RARB: variants seen among roughly 807,000 people sequenced by gnomAD.
The protein encoded by RARB is HBV-activated protein.
In RARB, 17 loss-of-function variants were observed where a neutral mutation model predicts 51.9. That is an observed-to-expected ratio of 0.33 (90% CI 0.22 to 0.49). The LOEUF (loss-of-function observed/expected upper bound fraction) is 0.49. RARB is among the 20% of genes least tolerant of loss of function. The pLI, the probability that RARB is intolerant of heterozygous loss-of-function variation, is 0.99. For synonymous variants in RARB, 215 were observed against 195.4 expected, an observed-to-expected ratio of 1.10 and a Z score of -0.84; for missense variants, 369 against 550.8, an observed-to-expected ratio of 0.67 and a Z score of 3.30.
chr3:25,219,002 C>T (rs1701890403), intron 5 of RARB, among the ~76,000 whole-genome samples: 2 of 152,278 alleles, frequency 1.3e-5, no homozygotes, highest in Non-Finnish European at 1.5e-5. Flanking sequence ...GATACAGGCA[C>T]TTGAAGCTTA....
chr3:24,969,188 T>A (rs1222319025), intron 2 of RARB, among the ~76,000 whole-genome samples: 1 of 152,058 alleles, frequency 6.6e-6, no homozygotes, highest in Non-Finnish European at 1.5e-5. Flanking sequence ...TTGCCAGAAG[T>A]TTATGCATGT....
chr3:25,003,081 A>G (rs995745196), intron 2 of RARB, among the ~76,000 whole-genome samples: 3 of 152,018 alleles, frequency 2.0e-5, no homozygotes, highest in African/African-American at 7.2e-5. Flanking sequence ...GGTATTATAT[A>G]TAATGAATGG....
At chr3:24,968,367 A>G (rs536720191) in intron 2 of RARB, among the ~76,000 whole-genome samples, 3 of 152,146 alleles carry the variant, frequency 2.0e-5, no homozygotes, top group Non-Finnish European at 4.4e-5. Context: ...GTTTCCCATG[A>G]CTAAAATAAC....
chr3:25,595,714 C>A (rs1701792223), intron 7 of RARB, among the ~76,000 whole-genome samples: 1 of 152,304 alleles, frequency 6.6e-6, no homozygotes, highest in East Asian at 1.9e-4. Flanking sequence ...AACTGAGGCA[C>A]TGTTTTTCTC....
chr3:25,188,472 C>T (rs897213066), intron 5 of RARB, among the ~76,000 whole-genome samples: 2 of 152,056 alleles, frequency 1.3e-5, no homozygotes, highest in Non-Finnish European at 2.9e-5. Context: ...AGAAATTAAC[C>T]CTTCAGAGGT....
chr3:24,957,915 T>C (rs1159586151), intron 2 of RARB, among the ~76,000 whole-genome samples: 1 of 152,176 alleles, frequency 6.6e-6, no homozygotes, highest in Non-Finnish European at 1.5e-5. Flanking sequence ...TGTATATAAC[T>C]CCAAGATAAT....
At chr3:25,016,234 T>C (rs1166428608) in intron 2 of RARB, among the ~76,000 whole-genome samples, 1 of 152,122 alleles carries the variant, frequency 6.6e-6, no homozygotes, top group East Asian at 1.9e-4. Context: ...TGAAGCATGA[T>C]TGTGGGATTA....
intron 4 of RARB, among the ~76,000 whole-genome samples, chr3:25,137,590 T>A (rs1178174565): frequency 1.3e-5 from 2 of 152,142 alleles, no homozygotes; most frequent in East Asian, 3.9e-4. Flanking sequence ...TTTGAAGAGC[T>A]TTATAAATTA....
At chr3:25,200,560 GT>G (rs990462343) in intron 5 of RARB, among the ~76,000 whole-genome samples, 2 of 152,198 alleles carry the variant, frequency 1.3e-5, no homozygotes, top group South Asian at 2.1e-4. Flanking sequence ...TTCTTCTAGG[GT>G]TTTTATGGTT....
Position 24,953,672 on chromosome 3 carries a change from GC to G in RARB, c.-380+94922del, listed in dbSNP as rs1340859202. 2.6e-5 allele frequency among the ~76,000 whole-genome samples: 4 copies of G among 152,164 alleles called. No individual in the cohort carries two copies. The East Asian group carries it at 7.7e-4, about 29-fold the overall frequency. The stretch of plus-strand genomic sequence containing the variant: ...TAAATGATCTCATATGTCAGAAGAG[GC>G]CTTTGTGCCTAGGAAATTACAGATT... On this transcript the variant is annotated intron_variant, in intron 2 of 11. Coordinates refer to the RARB transcript ENST00000383772.
At chr3:25,210,604 C>T (rs1206952695) in intron 5 of RARB, among the ~76,000 whole-genome samples, 10 of 131,080 alleles carry the variant, frequency 7.6e-5, no homozygotes, top group South Asian at 5.2e-4. Flanking sequence ...GGTGTAATCT[C>T]GGCTCACTGC....
At chr3:25,097,014 C>T (rs1367907850) in intron 3 of RARB, among the ~76,000 whole-genome samples, 3 of 152,142 alleles carry the variant, frequency 2.0e-5, no homozygotes, top group African/African-American at 4.8e-5. Context: ...GAGGTATCTT[C>T]ACCACCTCAG....
chr3:24,943,273 G>T (rs977127273), intron 2 of RARB, among the ~76,000 whole-genome samples: 8 of 152,166 alleles, frequency 5.3e-5, no homozygotes, highest in South Asian at 2.1e-4. Flanking sequence ...CTTGGTGAAG[G>T]TTATTAAGAA....
intron 2 of RARB, among the ~76,000 whole-genome samples, chr3:24,999,694 A>AC (rs1697118242): frequency 6.6e-6 from 1 of 152,166 alleles, no homozygotes; most frequent in Non-Finnish European, 1.5e-5. Flanking sequence ...AATACAACTT[A>AC]CACTTGCTTC....
intron 1 of RARB, among the ~76,000 whole-genome samples, chr3:25,438,327 G>A (rs981420853): frequency 6.6e-6 from 1 of 152,120 alleles, no homozygotes; most frequent in Non-Finnish European, 1.5e-5. Flanking sequence ...CACAGGGCCA[G>A]CCCAGATTCA....
chr3:24,910,523 T>A (rs1459568784), intron 2 of RARB, among the ~76,000 whole-genome samples: 1 of 152,212 alleles, frequency 6.6e-6, no homozygotes, highest in Non-Finnish European at 1.5e-5. Flanking sequence ...GCTGTTTTAG[T>A]TAAAATAATC....
At chr3:25,457,449 C>T (rs552956606) in intron 1 of RARB, among the ~76,000 whole-genome samples, 7 of 152,270 alleles carry the variant, frequency 4.6e-5, no homozygotes, top group African/African-American at 1.7e-4. Flanking sequence ...AATAAAAGGC[C>T]AGGGCTCTCA....
chr3:25,040,740 G>A (rs1698095476), intron 2 of RARB, among the ~76,000 whole-genome samples: 1 of 152,138 alleles, frequency 6.6e-6, no homozygotes, highest in Non-Finnish European at 1.5e-5. Context: ...GTGACAGTGA[G>A]ACTCTGTCTC....
chr3:25,557,037 A>T (rs541126068), intron 3 of RARB, among the ~76,000 whole-genome samples: 3 of 152,240 alleles, frequency 2.0e-5, no homozygotes, highest in African/African-American at 4.8e-5. Flanking sequence ...CCATTCTTGC[A>T]TAAGGCAGTT....
Sources: gnomAD v4.1 joint callset for allele counts (sites outside exome capture counted in the v4.1 genomes callset) on GRCh38, gnomAD v4.1.1 for gene constraint, MANE v1.5 for transcripts, NCBI Gene and HGNC (gene_info 2026-07-23, HGNC 2026-07-21) for gene names.